PIK3AP1: variants seen among roughly 807,000 people sequenced by gnomAD.
PIK3AP1 encodes phosphoinositide-3-kinase adaptor protein 1.
PIK3AP1 carries 21 observed loss-of-function variants against 88.1 expected under a neutral mutation model. The ratio of observed to expected loss-of-function variants is 0.24; its 90% CI spans 0.17 to 0.34. The LOEUF (loss-of-function observed/expected upper bound fraction) is 0.34. Ranked by LOEUF, PIK3AP1 falls within the 10% of genes least tolerant of loss-of-function variation. The probability of loss-of-function intolerance (pLI) is 1.00; values close to 1 mark genes in which losing one functional copy is unlikely to be tolerated. For missense variants in PIK3AP1, 828 were observed against 1,035.7 expected (o/e 0.80, Z 2.75); for synonymous variants, 398 against 400.0 (o/e 1.00, Z 0.06).
At chr10:96,608,260 T>G (rs141224624) in intron 14 of PIK3AP1, among the ~76,000 whole-genome samples, 2 of 152,318 alleles carry the variant, frequency 1.3e-5, no homozygotes, top group East Asian at 3.9e-4. Context: ...ACCACTTTCC[T>G]CCTCCACAGG....
At chr10:96,707,412 C>T (rs1844378407) in intron 2 of PIK3AP1, among the ~76,000 whole-genome samples, 1 of 152,162 alleles carries the variant, frequency 6.6e-6, no homozygotes, top group Non-Finnish European at 1.5e-5. Flanking sequence ...TCTGCCTCAG[C>T]CTCCCGAGTA....
chr10:96,626,386 G>C (rs1238139040), intron 10 of PIK3AP1, among the ~76,000 whole-genome samples: 1 of 152,196 alleles, frequency 6.6e-6, no homozygotes, highest in Non-Finnish European at 1.5e-5. Context: ...ATTCTTGATA[G>C]ATTTCAATAA....
At chr10:96,687,255 CAAAAAA>C (rs59631566) in intron 2 of PIK3AP1, among the ~76,000 whole-genome samples, 2 of 55,332 alleles carry the variant, frequency 3.6e-5, no homozygotes, top group African/African-American at 1.5e-4. Context: ...TACTCCATCT[CAAAAAA>C]AAAAAAAAAA....
At chr10:96,623,328 G>T (rs1279413273) in intron 11 of PIK3AP1, 144 bp downstream of exon 11, 15 of 728,288 alleles carry the variant, frequency 2.1e-5, no homozygotes, top group African/African-American at 3.6e-5. Flanking sequence ...CTCCCAAAGT[G>T]CTGGGACTAC....
intron 8 of PIK3AP1, among the ~76,000 whole-genome samples, chr10:96,634,314 C>T (rs1224815294): frequency 6.6e-6 from 1 of 152,154 alleles, no homozygotes; most frequent in East Asian, 1.9e-4. Flanking sequence ...AGTAAAGGTA[C>T]GGACAAGGGC....
In PIK3AP1 at chr10:96,623,460, C is replaced by T; in HGVS notation, c.1735+12G>A. ...CCACACAAAAGTTCAGTTCATATAA[C>T]ACATGGCTTACCTTTCCTGATGCTC... On this transcript the variant is annotated intron_variant, in intron 11 of 16. Transcript: ENST00000339364. 6.2e-7 allele frequency: 1 copy of T among 1,604,014 alleles called. No individual in the cohort carries two copies. The highest frequency in any genetic ancestry group is 8.5e-7 in the Non-Finnish European group (1 of 1,171,314).
intron 2 of PIK3AP1, among the ~76,000 whole-genome samples, chr10:96,670,597 G>T (rs983205848): frequency 1.3e-5 from 2 of 152,200 alleles, no homozygotes; most frequent in Non-Finnish European, 2.9e-5. Flanking sequence ...CTATATGGGG[G>T]AAGGGCTGTG....
chr10:96,622,055 C>G (rs1412221839), intron 11 of PIK3AP1, among the ~76,000 whole-genome samples: 1 of 152,346 alleles, frequency 6.6e-6, no homozygotes, highest in East Asian at 1.9e-4. Flanking sequence ...CTTAGCCCCA[C>G]TCTCATCCCT....
intron 3 of PIK3AP1, among the ~76,000 whole-genome samples, chr10:96,654,207 T>C (rs117053707): frequency 0.026 from 3,876 of 151,690 alleles, 75 homozygotes; most frequent in Non-Finnish European, 0.042. Context: ...TTAGCTTGCT[T>C]TAAGATCTCA....
chr10:96,699,895 G>C (rs1334717721), intron 2 of PIK3AP1, among the ~76,000 whole-genome samples: 1 of 152,218 alleles, frequency 6.6e-6, no homozygotes, highest in African/African-American at 2.4e-5. Flanking sequence ...AAAGGGTTTT[G>C]AAAGAGGGTA....
chr10:96,659,460 T>C (rs1843657246), intron 2 of PIK3AP1, among the ~76,000 whole-genome samples: 2 of 152,114 alleles, frequency 1.3e-5, no homozygotes, highest in African/African-American at 2.4e-5. Context: ...CCTTTATTTC[T>C]CCCAAATTAC....
At chr10:96,612,417 A>AT (rs1018361781) in intron 13 of PIK3AP1, among the ~76,000 whole-genome samples, 1 of 152,116 alleles carries the variant, frequency 6.6e-6, no homozygotes, top group African/African-American at 2.4e-5. Flanking sequence ...AAAGATTACT[A>AT]TTTTTTCCCT....
intron 2 of PIK3AP1, among the ~76,000 whole-genome samples, chr10:96,687,172 T>C (rs933871725): frequency 1.4e-5 from 2 of 138,384 alleles, no homozygotes; most frequent in African/African-American, 5.5e-5. Context: ...AGGAGAATAG[T>C]GTGAACCCGG....
At chr10:96,597,600 C>T (rs1848800393) in intron 16 of PIK3AP1, among the ~76,000 whole-genome samples, 2 of 152,008 alleles carry the variant, frequency 1.3e-5, no homozygotes, top group African/African-American at 2.4e-5. Flanking sequence ...ATGCATATAT[C>T]TCTGTGTGTG....
At position 96,663,740 on chromosome 10, in the gene PIK3AP1, C is replaced by T. The variant is rs115903978; in HGVS notation, c.431-6806G>A. ...ATCTTCTTAATATACGAAGATGTCACGAAATCTCTTTTAAAATACCCCAAG... is the reference window on the plus strand; with the variant it reads ...ATCTTCTTAATATACGAAGATGTCATGAAATCTCTTTTAAAATACCCCAAG... On this transcript the variant is annotated intron_variant, in intron 2 of 16. Coordinates refer to ENST00000339364, the MANE Select transcript of PIK3AP1 (RefSeq NM_152309.3). Among the ~76,000 whole-genome samples, 1,407 of 150,094 alleles carry T rather than the reference C, an allele frequency of 9.4e-3. 22 individuals carry two copies. The highest frequency in any genetic ancestry group is 0.033 in the African/African-American group (1,341 of 40,676).
rs1452208342 is a variant in PIK3AP1, at chr10:96,705,900, T to G, written c.430+3667A>C. On this transcript the variant is annotated intron_variant, in intron 2 of 16. Transcript: ENST00000339364. ...CAGCCAGTTGTTTTTTTTTTTTTTT[T>G]TTTTTTTTTTTGAGATGGAGTCTTG... Among the ~76,000 whole-genome samples the G allele has an allele frequency of 5.1e-5, 7 of 137,856 alleles. No individual in the cohort carries two copies. In the East Asian group the frequency reaches 1.0e-3, roughly 20 times the overall value. The allele number at this position is 137,856 out of a possible 152,430, so 90.4% of individuals were successfully genotyped here. A position where few individuals can be genotyped will look rare whatever the true frequency, so the allele number is the denominator to read the frequency against.
intron 2 of PIK3AP1, among the ~76,000 whole-genome samples, chr10:96,660,606 A>G (rs1843673289): frequency 6.6e-6 from 1 of 152,234 alleles, no homozygotes; most frequent in African/African-American, 2.4e-5. Context: ...AGACAGACTT[A>G]CAAAACTAAA....
chr10:96,675,025 T>C (rs936114212), intron 2 of PIK3AP1, among the ~76,000 whole-genome samples: 1 of 152,196 alleles, frequency 6.6e-6, no homozygotes, highest in Non-Finnish European at 1.5e-5. Flanking sequence ...CCTGAGTAGA[T>C]GGGATTACAG....
intron 2 of PIK3AP1, among the ~76,000 whole-genome samples, chr10:96,669,374 C>T (rs1298804245): frequency 6.6e-6 from 1 of 152,180 alleles, no homozygotes; most frequent in East Asian, 1.9e-4. Flanking sequence ...CAAGTGTCTA[C>T]GGAACACATC....
Sources: allele counts gnomAD v4.1 joint callset (sites outside exome capture counted in the v4.1 genomes callset), GRCh38; gene constraint gnomAD v4.1.1; transcripts MANE v1.5; gene names NCBI Gene and HGNC (gene_info 2026-07-23, HGNC 2026-07-21).